IMMP2L: variants seen among roughly 807,000 people sequenced by gnomAD.
IMMP2L encodes the protein inner mitochondrial membrane peptidase subunit 2, also known as mitochondrial inner membrane protease subunit 2.
In IMMP2L, 18 loss-of-function variants were observed where a neutral mutation model predicts 19.3. The ratio of observed to expected loss-of-function variants is 0.93; its 90% confidence interval spans 0.64 to 1.38. IMMP2L has a LOEUF of 1.38. Among genes scored for constraint, IMMP2L ranks in the 40% most tolerant of loss-of-function variants. IMMP2L has a pLI of 0.00. For synonymous variants in IMMP2L, 76 were observed against 73.0 expected, an observed-to-expected ratio of 1.04 and a Z score of -0.21; for missense variants, 233 against 218.2, an observed-to-expected ratio of 1.07 and a Z score of -0.43.
At chr7:111,209,774 C>G (rs1811116242) in intron 3 of IMMP2L, among the ~76,000 whole-genome samples, 2 of 152,094 alleles carry the variant, frequency 1.3e-5, no homozygotes, top group African/African-American at 4.8e-5. Flanking sequence ...ATTACATATA[C>G]AAGTATATCA....
rs1422377182 is a variant in IMMP2L at position 111,068,202 on chromosome 7, GA to G, written c.240-104638del. ...AGACCACAGAGAATACAGACTAAGA[GA>G]AGGAAAGAGTGTGAGAAGACAGATG... On this transcript the variant is annotated intron_variant, in intron 3 of 5. Transcript: ENST00000405709. 3.3e-5 allele frequency among the ~76,000 whole-genome samples: 5 copies of G among 152,080 alleles called. No individual in the cohort carries two copies. The East Asian group carries it at 9.6e-4, about 29-fold the overall frequency.
intron 3 of IMMP2L, among the ~76,000 whole-genome samples, chr7:111,047,913 C>G (rs900448686): frequency 3.3e-5 from 5 of 152,092 alleles, no homozygotes; most frequent in Non-Finnish European, 5.9e-5. Context: ...TGCCATCCCC[C>G]CAAAAAGCGA....
At chr7:111,285,380 A>G (rs1257319158) in intron 3 of IMMP2L, among the ~76,000 whole-genome samples, 2 of 152,218 alleles carry the variant, frequency 1.3e-5, no homozygotes, top group Non-Finnish European at 2.9e-5. Flanking sequence ...GATTGAACAG[A>G]GAAAAGCCTT....
intron 1 of IMMP2L, among the ~76,000 whole-genome samples, chr7:111,533,992 G>A (rs1047529487): frequency 1.3e-5 from 2 of 151,758 alleles, no homozygotes; most frequent in African/African-American, 2.4e-5. Flanking sequence ...TTGAGAGAAA[G>A]GTATTTCACT....
intron 3 of IMMP2L, among the ~76,000 whole-genome samples, chr7:111,444,414 C>G (rs1445259218): frequency 6.6e-6 from 1 of 152,046 alleles, no homozygotes; most frequent in African/African-American, 2.4e-5. Flanking sequence ...GTTTCTTAAC[C>G]TCTCAGTGCC....
At chr7:111,215,941 C>A (rs1232944649) in intron 3 of IMMP2L, among the ~76,000 whole-genome samples, 1 of 152,108 alleles carries the variant, frequency 6.6e-6, no homozygotes, top group Non-Finnish European at 1.5e-5. Flanking sequence ...TAATCATTTC[C>A]TATCTTGATT....
intron 3 of IMMP2L, among the ~76,000 whole-genome samples, chr7:111,272,222 C>T (rs912767275): frequency 6.6e-6 from 1 of 152,108 alleles, no homozygotes; most frequent in Non-Finnish European, 1.5e-5. Context: ...TAAACTCTCC[C>T]ACCTAACTAT....
chr7:111,348,567 C>T (rs1827816428), intron 3 of IMMP2L, among the ~76,000 whole-genome samples: 1 of 152,044 alleles, frequency 6.6e-6, no homozygotes, highest in African/African-American at 2.4e-5. Flanking sequence ...TTGAGAATAA[C>T]AAATAAAGAA....
chr7:110,849,983 A>C (rs2131518242), intron 5 of IMMP2L, among the ~76,000 whole-genome samples: 1 of 152,180 alleles, frequency 6.6e-6, no homozygotes, highest in South Asian at 2.1e-4. Context: ...TTAGAAAAAT[A>C]TTTTCTTATA....
intron 4 of IMMP2L, among the ~76,000 whole-genome samples, chr7:110,942,478 C>CTG (rs1816834106): frequency 6.6e-6 from 1 of 151,858 alleles, no homozygotes; most frequent in East Asian, 1.9e-4. Flanking sequence ...AGTTTAACTG[C>CTG]TGTGTACGCT....
chr7:111,039,012 T>C (rs1791622015), intron 3 of IMMP2L, among the ~76,000 whole-genome samples: 1 of 152,162 alleles, frequency 6.6e-6, no homozygotes, highest in Non-Finnish European at 1.5e-5. Context: ...CATCTCAGAC[T>C]TCAAACTTTG....
rs1470165146 is a variant in IMMP2L at position 111,016,858 on chromosome 7, TATAATATATTACA to T, written c.240-53306_240-53294del. 8.9e-3 allele frequency among the ~76,000 whole-genome samples: 785 copies of T among 88,620 alleles called. 21 individuals are homozygous for T. Among genetic ancestry groups the T allele is most frequent in the African/African-American group, 0.035 (744 of 21,126 alleles). The allele number at this position is 88,620 out of a possible 152,430, so 58.1% of individuals were successfully genotyped here. ...TATATATTATATATAATATATATTA[TATAATATATTACA>T]TATAATATATATTATATATAATATA... is the stretch of plus-strand genomic sequence containing the variant. On this transcript the variant is annotated intron_variant, in intron 3 of 5. Coordinates refer to ENST00000405709, the MANE Select transcript of IMMP2L (RefSeq NM_032549.4).
At chr7:111,251,018 T>C (rs1816044491) in intron 3 of IMMP2L, among the ~76,000 whole-genome samples, 1 of 152,150 alleles carries the variant, frequency 6.6e-6, no homozygotes, top group Non-Finnish European at 1.5e-5. Context: ...GACAAAGGTC[T>C]AATATTCAGA....
In IMMP2L at chr7:110,924,826, G is replaced by GA. The variant is rs1448576034; in HGVS notation, c.306-38132dup. 6.6e-6 allele frequency among the ~76,000 whole-genome samples: 1 copy of GA among 151,952 alleles called. No individual in the cohort carries two copies. The highest frequency in any genetic ancestry group is 2.4e-5 in the African/African-American group (1 of 41,400). ...GTATACACAGCTGATTAAACAATTTGAAAAAATGTTCTGGTTCATGCCTCT... is the reference window on the plus strand; with the variant it reads ...GTATACACAGCTGATTAAACAATTTGAAAAAAATGTTCTGGTTCATGCCTCT... On this transcript the variant is annotated intron_variant, in intron 4 of 5. Transcript: ENST00000405709. The surrounding 1 kb of genome is among the most constrained non-coding windows in gnomAD (Gnocchi z 4.2).
chr7:110,974,141 G>A (rs566733430), intron 3 of IMMP2L, among the ~76,000 whole-genome samples: 26 of 152,064 alleles, frequency 1.7e-4, no homozygotes, highest in Non-Finnish European at 3.8e-4. Flanking sequence ...AATGCCTGTG[G>A]GTTAAATGTA....
chr7:110,804,677 C>G (rs902037856), intron 5 of IMMP2L, among the ~76,000 whole-genome samples: 2 of 152,084 alleles, frequency 1.3e-5, no homozygotes, highest in Non-Finnish European at 2.9e-5. Flanking sequence ...AATGCAATTT[C>G]TAGTTATTTT....
intron 3 of IMMP2L, among the ~76,000 whole-genome samples, chr7:111,006,433 AG>A (rs1334054446): frequency 1.3e-5 from 2 of 152,174 alleles, no homozygotes; most frequent in African/African-American, 2.4e-5. Context: ...AAGTGATTCC[AG>A]GAAACAACTA....
chr7:111,050,549 A>G (rs1335578495), intron 3 of IMMP2L, among the ~76,000 whole-genome samples: 3 of 152,074 alleles, frequency 2.0e-5, no homozygotes, highest in Non-Finnish European at 2.9e-5. Flanking sequence ...TTTAAAGGGG[A>G]CATCTTTTTT....
intron 3 of IMMP2L, among the ~76,000 whole-genome samples, chr7:110,968,411 G>T (rs1819785445): frequency 6.6e-6 from 1 of 152,110 alleles, no homozygotes; most frequent in African/African-American, 2.4e-5. Context: ...AGTGGCACAT[G>T]CCTGTAATCC....
Sources: gnomAD v4.1 joint callset for allele counts (sites outside exome capture counted in the v4.1 genomes callset) on GRCh38, gnomAD v4.1.1 for gene constraint, Gnocchi (gnomAD v3.1) non-coding constraint, MANE v1.5 for transcripts, NCBI Gene and HGNC (gene_info 2026-07-23, HGNC 2026-07-21) for gene names.